DOCK7: variants seen among roughly 807,000 people sequenced by gnomAD.
DOCK7 encodes dedicator of cytokinesis 7.
In DOCK7, 138 loss-of-function variants were observed where a neutral mutation model predicts 271.0. That is an observed-to-expected ratio of 0.51 (90% CI 0.44 to 0.59). The LOEUF is 0.59. Among genes scored for constraint, DOCK7 ranks in the 20% least tolerant of loss-of-function variants. The pLI, the probability that DOCK7 is intolerant of heterozygous loss-of-function variation, is 0.00. For missense variants in DOCK7, 2,066 were observed against 2,592.4 expected (o/e 0.80, Z 4.41); for synonymous variants, 823 against 876.1 (o/e 0.94, Z 1.07).
At chr1:62,558,967 T>C (rs963763859) in intron 20 of DOCK7, 22 bp downstream of exon 20, 17 of 1,568,396 alleles carry the variant, frequency 1.1e-5, no homozygotes, top group Non-Finnish European at 1.3e-5. Context: ...TCACGTCTCA[T>C]CCCCAAACAA....
At chr1:62,518,108 A>G (rs1469512067) in intron 31 of DOCK7, among the ~76,000 whole-genome samples, 2 of 152,210 alleles carry the variant, frequency 1.3e-5, no homozygotes, top group Non-Finnish European at 2.9e-5. Flanking sequence ...AAAGGTGAAA[A>G]TATGTGAAGC....
chr1:62,482,546 C>T (rs1646158904), intron 43 of DOCK7: 1 of 152,034 alleles, frequency 6.6e-6, no homozygotes, highest in Admixed American at 6.6e-5. Flanking sequence ...GTTGGTCAGG[C>T]TTAGGTGATT....
chr1:62,510,506 G>T, intron 34 of DOCK7, 71 bp downstream of exon 34: 1 of 1,134,270 alleles, frequency 8.8e-7, no homozygotes, highest in Non-Finnish European at 1.3e-6. Flanking sequence ...TAAAGTAAAA[G>T]TTATCATTTT....
At chr1:62,681,691 A>C (rs1661187447) in intron 1 of DOCK7, among the ~76,000 whole-genome samples, 1 of 152,140 alleles carries the variant, frequency 6.6e-6, no homozygotes, top group Non-Finnish European at 1.5e-5. Flanking sequence ...AATAGTAAAA[A>C]ACTGGAAACA....
chr1:62,463,996 A>G (rs1337297727), intron 48 of DOCK7, among the ~76,000 whole-genome samples: 1 of 152,238 alleles, frequency 6.6e-6, no homozygotes, highest in Non-Finnish European at 1.5e-5. Context: ...ACGTTTTAAA[A>G]AAACAAAACC....
intron 7 of DOCK7, among the ~76,000 whole-genome samples, chr1:62,636,922 A>T (rs553485772): frequency 3.3e-5 from 5 of 152,322 alleles, no homozygotes; most frequent in African/African-American, 1.2e-4. Context: ...ATATGTAGAT[A>T]TGTTCATTTT....
rs1019385803 is a variant in DOCK7, at chr1:62,559,362, T to C, written c.2200-142A>G. The C allele has an allele frequency of 2.3e-5, 13 of 554,690 alleles. No individual in the cohort carries two copies. In the African/African-American group the frequency reaches 2.5e-4, roughly 10 times the overall value. 34.4% of individuals were successfully genotyped at this position (554,690 alleles called of 1,614,324 possible). A position where few individuals can be genotyped will look rare whatever the true frequency, so the allele number is the denominator to read the frequency against. ...TAGGTATACAAACATTGTTTCCAAT[T>C]AAACAAATCTATTTTCATTTATCAT... On this transcript the variant is annotated intron_variant, in intron 19 of 49. Coordinates refer to ENST00000635253, the MANE Select transcript of DOCK7 (RefSeq NM_001367561.1).
chr1:62,473,540 C>T (rs1301517714), intron 48 of DOCK7, among the ~76,000 whole-genome samples: 1 of 151,976 alleles, frequency 6.6e-6, no homozygotes, highest in Non-Finnish European at 1.5e-5. Flanking sequence ...GTAAATTCTA[C>T]ACAGATTACT....
intron 1 of DOCK7, among the ~76,000 whole-genome samples, chr1:62,686,524 T>A (rs1329712181): frequency 6.6e-6 from 1 of 151,842 alleles, no homozygotes; most frequent in Non-Finnish European, 1.5e-5. Flanking sequence ...TCATCAGAAG[T>A]AAGACCTAAT....
chr1:62,633,380 C>T, intron 10 of DOCK7, 118 bp downstream of exon 10: 4 of 737,124 alleles, frequency 5.4e-6, no homozygotes, highest in South Asian at 4.1e-5. Context: ...CCTTAATATG[C>T]TTTGTTGCAT....
intron 8 of DOCK7, 26 bp from the exon 9 acceptor site, chr1:62,634,948 TTAAAA>T (rs1405560263): frequency 6.7e-7 from 1 of 1,498,444 alleles, no homozygotes; most frequent in African/African-American, 1.4e-5. Flanking sequence ...ATGTTAAACT[TTAAAA>T]TATGTACATT....
chr1:62,545,118 C>G (rs945290939), intron 22 of DOCK7, 79 bp from the exon 23 acceptor site: 56 of 1,307,494 alleles, frequency 4.3e-5, no homozygotes, highest in Non-Finnish European at 5.5e-5. Context: ...TAAAGAAATT[C>G]AGATCTTCTA....
intron 14 of DOCK7, chr1:62,605,715 T>A (rs1166232155): frequency 6.6e-6 from 1 of 152,464 alleles, no homozygotes; most frequent in South Asian, 2.1e-4. Flanking sequence ...AACAAGTTAC[T>A]GAACGTTTAA....
chr1:62,510,121 T>C (rs149892652), intron 34 of DOCK7, among the ~76,000 whole-genome samples: 3 of 152,306 alleles, frequency 2.0e-5, no homozygotes, highest in East Asian at 3.9e-4. Context: ...TGTAAGTGTA[T>C]TGTAGGTGTT....
In DOCK7 at chr1:62,487,423, A is replaced by C; in HGVS notation, c.5494-11T>G. On this transcript the variant is annotated splice_polypyrimidine_tract_variant and intron_variant, in intron 42 of 49. Transcript: ENST00000635253. ...CTCCCAGCCAGTACTCTGTATAATA[A>C]AAAGTAAAAAAGGGCAAGTCATAAA... 6.2e-7 allele frequency: 1 copy of C among 1,610,956 alleles called. No homozygotes were observed. Among genetic ancestry groups the C allele is most frequent in the Non-Finnish European group, 8.5e-7 (1 of 1,177,852 alleles).
At chr1:62,568,081 TAGAACTCAAA>T (rs1341885610) in intron 18 of DOCK7, among the ~76,000 whole-genome samples, 1 of 151,650 alleles carries the variant, frequency 6.6e-6, no homozygotes, top group Admixed American at 6.6e-5. Context: ...GAAATTAAAT[TAGAACTCAAA>T]GAAACTCACT....
At chr1:62,582,376 C>A (rs553228254) in intron 16 of DOCK7, among the ~76,000 whole-genome samples, 3 of 150,162 alleles carry the variant, frequency 2.0e-5, no homozygotes, top group Non-Finnish European at 4.4e-5. Flanking sequence ...CGGTGAAAAC[C>A]CGTCTCTACT....
chr1:62,553,314 A>ATACATATATATATATATATATG (rs1645984989), intron 21 of DOCK7, among the ~76,000 whole-genome samples: 1 of 74,834 alleles, frequency 1.3e-5, no homozygotes, highest in African/African-American at 5.3e-5. Context: ...AAAGTATTTT[A>ATACATATATATATATATATATG]TATATATATA....
chr1:62,657,361 C>T (rs1451898338), intron 2 of DOCK7, among the ~76,000 whole-genome samples: 1 of 152,136 alleles, frequency 6.6e-6, no homozygotes, highest in Admixed American at 6.5e-5. Flanking sequence ...AGTAAGAAAT[C>T]TGAACTTCTA....
Sources: allele counts gnomAD v4.1 joint callset (sites outside exome capture counted in the v4.1 genomes callset), GRCh38; gene constraint gnomAD v4.1.1; transcripts MANE v1.5; gene names NCBI Gene and HGNC (gene_info 2026-07-23, HGNC 2026-07-21).